Variants in ANKRD36C observed in about 807,000 individuals in gnomAD.
The protein encoded by ANKRD36C is ankyrin repeat domain-containing protein 36C.
In ANKRD36C, 61 loss-of-function variants were observed where a neutral mutation model predicts 276.4. That is an observed-to-expected ratio of 0.22 (90% CI 0.18 to 0.27). The LOEUF is 0.27. ANKRD36C is among the 10% of genes least tolerant of loss of function. The probability of loss-of-function intolerance (pLI) is 1.00; values close to 1 mark genes in which losing one functional copy is unlikely to be tolerated. For missense variants in ANKRD36C, 1,447 were observed against 2,032.3 expected (o/e 0.71, Z 5.54); for synonymous variants, 483 against 680.1 (o/e 0.71, Z 4.51).
chr2:95,962,439 A>C lies in ANKRD36C; in HGVS notation c.829-15T>G. The C allele has an allele frequency of 6.3e-7, 1 of 1,581,090 alleles. No homozygotes were observed. ...CCACTTGTAGCCTGAGTGGGATTTGAAACAAAATAATCAATACGTAAAGTA... is the reference window on the plus strand; with the variant it reads ...CCACTTGTAGCCTGAGTGGGATTTGCAACAAAATAATCAATACGTAAAGTA... On this transcript the variant is annotated splice_polypyrimidine_tract_variant and intron_variant, in intron 7 of 66. Coordinates refer to ENST00000456556, the Ensembl canonical transcript of ANKRD36C.
rs531571597 is a variant in ANKRD36C, at chr2:95,921,888, C to A, written c.2144-78G>T. ...ACATTCATGCGGTGTTAGCATCAAG[C>A]TGTATCTGCCTGCCTGTATTAGTGT... is the stretch of plus-strand genomic sequence containing the variant. On this transcript the variant is annotated intron_variant, in intron 32 of 66. Transcript: ENST00000456556. 3 of 1,408,912 alleles carry A rather than the reference C, an allele frequency of 2.1e-6. No individual in the cohort carries two copies. The African/African-American group carries it at 4.3e-5, about 20-fold the overall frequency. 87.3% of individuals were successfully genotyped at this position (1,408,912 alleles called of 1,614,324 possible). A position where few individuals can be genotyped will look rare whatever the true frequency, so the allele number is the denominator to read the frequency against.
intron 40 of ANKRD36C, among the ~76,000 whole-genome samples, chr2:95,913,602 A>G (rs1676999016): frequency 6.6e-6 from 1 of 151,308 alleles, no homozygotes; most frequent in East Asian, 2.0e-4. Flanking sequence ...CTCAGCAGAA[A>G]CCCCAAAATT....
chr2:95,947,411 C>T (rs1228324854), intron 17 of ANKRD36C, among the ~76,000 whole-genome samples: 1 of 152,144 alleles, frequency 6.6e-6, no homozygotes, highest in Non-Finnish European at 1.5e-5. Flanking sequence ...TGTTGATTCA[C>T]ATTAAAAACT....
intron 42 of ANKRD36C, among the ~76,000 whole-genome samples, chr2:95,908,999 A>T (rs1284785788): frequency 6.6e-6 from 1 of 151,162 alleles, no homozygotes; most frequent in Non-Finnish European, 1.5e-5. Flanking sequence ...AAAGTGATCT[A>T]AAATCAGAGG....
chr2:95,862,302 G>A (rs1265462789), intron 60 of ANKRD36C, among the ~76,000 whole-genome samples: 1 of 151,914 alleles, frequency 6.6e-6, no homozygotes, highest in Non-Finnish European at 1.5e-5. Flanking sequence ...AAAGGATTGA[G>A]TCAGAAGGAT....
chr2:95,961,217 G>A (rs534884032), intron 8 of ANKRD36C, among the ~76,000 whole-genome samples: 13 of 152,194 alleles, frequency 8.5e-5, no homozygotes, highest in Admixed American at 3.9e-4. Context: ...TATGTTTGGT[G>A]AATCCTAGCA....
chr2:95,892,706 A>C (rs1221790092), intron 44 of ANKRD36C, among the ~76,000 whole-genome samples: 1 of 151,324 alleles, frequency 6.6e-6, no homozygotes, highest in African/African-American at 2.4e-5. Context: ...TTTGTTTCTA[A>C]AATAGCCTTG....
chr2:95,892,181 A>T (rs564479992), intron 44 of ANKRD36C, among the ~76,000 whole-genome samples: 35 of 151,686 alleles, frequency 2.3e-4, no homozygotes, highest in African/African-American at 8.2e-4. Context: ...GGAGCAACTC[A>T]TACACGTGAG....
chr2:95,903,269 C>G (rs62153692), intron 42 of ANKRD36C, among the ~76,000 whole-genome samples, 188 bp from the exon 53 acceptor site: 1 of 149,976 alleles, frequency 6.7e-6, no homozygotes, highest in East Asian at 2.0e-4. Context: ...ACAGGCTCCA[C>G]GAAATATAGT....
intron 38 of ANKRD36C, 113 bp from the exon 41 acceptor site, chr2:95,914,416 T>A (rs777929865): frequency 2.2e-6 from 3 of 1,341,222 alleles, no homozygotes; most frequent in Non-Finnish European, 3.1e-6. Context: ...TAGCGTAGTC[T>A]TTGATGGCTT....
intron 16 of ANKRD36C, among the ~76,000 whole-genome samples, chr2:95,949,589 C>A (rs1271666380): frequency 1.3e-5 from 2 of 152,270 alleles, no homozygotes; most frequent in Non-Finnish European, 2.9e-5. Context: ...ACTGTGTTCA[C>A]TAGAGCCACT....
At chr2:95,850,938 C>T (rs10176242), downstream of ANKRD36C, among the ~76,000 whole-genome samples, 1,139 of 152,264 alleles carry the variant, frequency 7.5e-3, 14 homozygotes, top group African/African-American at 0.026. Flanking sequence ...GATACACAGA[C>T]TTCTTGCGAT....
exon 42 of ANKRD36C, chr2:95,912,252 G>A: frequency 6.5e-7 from 1 of 1,549,700 alleles, no homozygotes; most frequent in Non-Finnish European, 8.7e-7. Context: ...ACCTGTCCTA[G>A]ATGTTTCTCC....
At chr2:95,912,651 G>C (rs1384545893) in intron 40 of ANKRD36C, among the ~76,000 whole-genome samples, 1 of 151,240 alleles carries the variant, frequency 6.6e-6, no homozygotes, top group Admixed American at 6.6e-5. Context: ...TTTCAAACAT[G>C]GTATGATTTG....
chr2:95,928,267 C>T (rs1333469886), intron 26 of ANKRD36C, among the ~76,000 whole-genome samples: 1 of 151,588 alleles, frequency 6.6e-6, no homozygotes, highest in African/African-American at 2.4e-5. Flanking sequence ...TCATGTTAGT[C>T]TCTAAGGAAG....
intron 14 of ANKRD36C, among the ~76,000 whole-genome samples, chr2:95,953,535 A>G (rs1678253001): frequency 6.6e-6 from 1 of 152,132 alleles, no homozygotes; most frequent in Non-Finnish European, 1.5e-5. Flanking sequence ...TTCTTTGATA[A>G]GTCATCTGAT....
At chr2:95,949,563 A>T (rs1678141748) in intron 16 of ANKRD36C, among the ~76,000 whole-genome samples, 2 of 152,250 alleles carry the variant, frequency 1.3e-5, no homozygotes, top group Non-Finnish European at 2.9e-5. Context: ...AGCTCATTCA[A>T]TTCTCATCCT....
At chr2:95,910,607 A>T in intron 42 of ANKRD36C, 39 bp from the exon 45 acceptor site, 1 of 1,603,050 alleles carries the variant, frequency 6.2e-7, no homozygotes, top group Non-Finnish European at 8.5e-7. Context: ...TCATATGTAA[A>T]TATGACAAAG....
chr2:95,849,299 G>A (rs2950714), downstream of ANKRD36C, among the ~76,000 whole-genome samples: 18 of 152,050 alleles, frequency 1.2e-4, no homozygotes, highest in Non-Finnish European at 1.2e-4. Context: ...ACCTCAAGTG[G>A]TCCACCTGCA....
Sources: allele counts gnomAD v4.1 joint callset (sites outside exome capture counted in the v4.1 genomes callset), GRCh38; gene constraint gnomAD v4.1.1; transcripts MANE v1.5; gene names NCBI Gene and HGNC (gene_info 2026-07-23, HGNC 2026-07-21).